TSHR: variants seen among roughly 807,000 people sequenced by gnomAD.
The protein encoded by TSHR is thyroid stimulating hormone receptor, also known as thyrotropin receptor.
A neutral mutation model predicts 64.1 loss-of-function variants in TSHR; 51 were observed. The ratio of observed to expected loss-of-function variants is 0.80; its 90% CI spans 0.64 to 1.01. The LOEUF is 1.01. Ranked by LOEUF, TSHR falls within the 50% of genes least tolerant of loss-of-function variation. TSHR has a pLI of 0.00. For synonymous variants in TSHR, 361 were observed against 361.9 expected (o/e 1.00, Z 0.03); for missense variants, 877 against 942.8 (o/e 0.93, Z 0.91).
At chr14:81,110,973 A>T (rs1890200017) in intron 8 of TSHR, among the ~76,000 whole-genome samples, 1 of 152,202 alleles carries the variant, frequency 6.6e-6, no homozygotes, top group African/African-American at 2.4e-5. Flanking sequence ...TATATTACTT[A>T]TCTTCATTGC....
Position 81,145,964 on chromosome 14 carries a change from C to T in TSHR, c.*1611C>T, listed in dbSNP as rs972864083. 1.7e-5 allele frequency: 4 copies of T among 231,966 alleles called. No individual in the cohort carries two copies. The highest frequency in any genetic ancestry group is 2.6e-5 in the Non-Finnish European group (3 of 117,366). 14.4% of individuals were successfully genotyped at this position (231,966 alleles called of 1,614,324 possible). A position where few individuals can be genotyped will look rare whatever the true frequency, so the allele number is the denominator to read the frequency against. ...CGTTAATGGGTCCCCACAGATGGTC[C>T]CTGCTGGACTCACCTGGAATCTCTC... On this transcript the variant is annotated 3_prime_UTR_variant, in exon 10 of 10. Transcript: ENST00000298171.
chr14:81,097,580 T>G (rs913197862), intron 7 of TSHR, among the ~76,000 whole-genome samples: 2 of 152,154 alleles, frequency 1.3e-5, no homozygotes, highest in Non-Finnish European at 2.9e-5. Context: ...TAGACCACAC[T>G]TTAAGTAGCA....
chr14:81,010,176 T>C (rs1263064753), intron 1 of TSHR, among the ~76,000 whole-genome samples: 1 of 152,186 alleles, frequency 6.6e-6, no homozygotes, highest in Non-Finnish European at 1.5e-5. Context: ...TTGCCTTATC[T>C]TTTTATTGCT....
chr14:80,971,356 A>T (rs1222178058), intron 1 of TSHR, among the ~76,000 whole-genome samples: 2 of 152,222 alleles, frequency 1.3e-5, no homozygotes, highest in Non-Finnish European at 2.9e-5. Flanking sequence ...TATGAAATGG[A>T]ACCCCTTGGG....
Position 81,145,403 on chromosome 14 carries a change from T to A in TSHR, c.*1050T>A. Reference sequence around the variant, plus strand: ...CACATGACCCAGGAAATTTTTCCTTTGTTTCACTTTTGATTATGATGTCTG... The same window carrying A: ...CACATGACCCAGGAAATTTTTCCTTAGTTTCACTTTTGATTATGATGTCTG... On this transcript the variant is annotated 3_prime_UTR_variant, in exon 10 of 10. Coordinates refer to ENST00000298171, the MANE Select transcript of TSHR (RefSeq NM_000369.5). 1 of 233,246 alleles carries A rather than the reference T, an allele frequency of 4.3e-6. No homozygotes were observed. Among genetic ancestry groups the A allele is most frequent in the East Asian group, 6.0e-5 (1 of 16,550 alleles). 14.4% of individuals were successfully genotyped at this position (233,246 alleles called of 1,614,324 possible).
rs1887516297 is a variant in TSHR, at chr14:80,970,030, C to T, written c.170+14180C>T. Reference sequence around the variant, plus strand: ...CAGATGAACTGACTGTGAAGATTTCCCTTCACCACTATCCTTTAGGGCCAC... The same window carrying T: ...CAGATGAACTGACTGTGAAGATTTCTCTTCACCACTATCCTTTAGGGCCAC... On this transcript the variant is annotated intron_variant, in intron 1 of 9. Coordinates refer to ENST00000298171, the MANE Select transcript of TSHR (RefSeq NM_000369.5). Among the ~76,000 whole-genome samples, 3 of 152,194 alleles carry T rather than the reference C, an allele frequency of 2.0e-5. No individual in the cohort carries two copies. The South Asian group carries it at 6.2e-4, about 32-fold the overall frequency.
intron 7 of TSHR, chr14:81,104,561 C>G: frequency 2.0e-6 from 2 of 985,440 alleles, no homozygotes; most frequent in South Asian, 9.4e-5. Context: ...ACCCAACAAT[C>G]AGGCTTTCAT....
chr14:80,982,963 C>G (rs1271983524), intron 1 of TSHR: 3 of 527,436 alleles, frequency 5.7e-6, no homozygotes, highest in Non-Finnish European at 1.0e-5. Context: ...GGAATTTGAA[C>G]AACTTGTTAA....
At chr14:81,123,226 AAAGT>A (rs1352908208) in intron 8 of TSHR, among the ~76,000 whole-genome samples, 1 of 152,236 alleles carries the variant, frequency 6.6e-6, no homozygotes, top group Non-Finnish European at 1.5e-5. Context: ...CAATAGGAGA[AAAGT>A]AAGAAATGAA....
chr14:81,027,858 A>C (rs572841595), intron 1 of TSHR, among the ~76,000 whole-genome samples: 1 of 152,308 alleles, frequency 6.6e-6, no homozygotes, highest in African/African-American at 2.4e-5. Flanking sequence ...TATAACTAAC[A>C]AAAATCAGGA....
intron 8 of TSHR, among the ~76,000 whole-genome samples, chr14:81,113,991 G>C (rs1006167163): frequency 6.6e-6 from 1 of 152,068 alleles, no homozygotes; most frequent in Non-Finnish European, 1.5e-5. Flanking sequence ...CTGAAAACAG[G>C]ATTATATGAA....
chr14:81,142,522 C>T lies in TSHR; in HGVS notation c.882-418C>T, dbSNP rs75578862. 7.4e-3 allele frequency among the ~76,000 whole-genome samples: 1,125 copies of T among 151,996 alleles called. 11 individuals are homozygous for T. The highest frequency in any genetic ancestry group is 0.026 in the African/African-American group (1,067 of 41,426). ...ACAGGCCTGCCTGGATCCTGTAGAA[C>T]CTTATAGAATTATGTACATCATAGT... On this transcript the variant is annotated intron_variant, in intron 9 of 9. Transcript: ENST00000298171.
rs369149725 is a variant in TSHR at position 81,143,025 on chromosome 14, C to T, written c.967C>T (p.His323Tyr). 11 of 1,614,080 alleles carry T rather than the reference C, an allele frequency of 6.8e-6. No individual in the cohort carries two copies. The highest frequency in any genetic ancestry group is 3.3e-5 in the Admixed American group (2 of 60,004). The change falls in exon 10 of 10, where the codon CAC becomes TAC. Residue 323 changes from histidine to tyrosine, a missense_variant. By Grantham distance (83) the His-to-Tyr change is moderately conservative. Transcript: ENST00000298171. The stretch of plus-strand genomic sequence containing the variant: ...TGTGAATGCCTTGAATAGCCCCCTC[C>T]ACCAGGAATATGAAGAGAATCTGGG... Reference protein sequence around the residue: ...KSVNALNSPLHQEYEENLGDS... With the variant: ...KSVNALNSPLYQEYEENLGDS...
chr14:81,078,137 TC>T (rs1426452655), intron 3 of TSHR, among the ~76,000 whole-genome samples: 1 of 151,766 alleles, frequency 6.6e-6, no homozygotes, highest in Non-Finnish European at 1.5e-5. Flanking sequence ...ATTTAATATT[TC>T]CAGTGTCCAT....
chr14:81,016,295 T>C (rs572284869), intron 1 of TSHR, among the ~76,000 whole-genome samples: 11 of 152,282 alleles, frequency 7.2e-5, no homozygotes, highest in African/African-American at 2.6e-4. Context: ...TATCTCGTCT[T>C]TGTGTTGATA....
At chr14:81,055,277 A>T (rs1292470265) in intron 1 of TSHR, among the ~76,000 whole-genome samples, 1 of 152,102 alleles carries the variant, frequency 6.6e-6, no homozygotes, top group Non-Finnish European at 1.5e-5. Context: ...ATTTCAAAGG[A>T]TATATGGAAA....
chr14:81,111,070 A>G (rs1004056115), intron 8 of TSHR, among the ~76,000 whole-genome samples: 2 of 152,206 alleles, frequency 1.3e-5, no homozygotes, highest in Non-Finnish European at 2.9e-5. Flanking sequence ...GACTGTTCAT[A>G]TGTTAGTGGT....
At chr14:81,068,217 AACTT>A in intron 2 of TSHR, 33 bp from the exon 3 acceptor site, 1 of 1,598,924 alleles carries the variant, frequency 6.3e-7, no homozygotes, top group African/African-American at 1.3e-5. Flanking sequence ...CAACCTTACT[AACTT>A]TCTACTTTGT....
chr14:81,095,182 A>G (rs545729849), intron 6 of TSHR, among the ~76,000 whole-genome samples: 95 of 152,308 alleles, frequency 6.2e-4, no homozygotes, highest in Non-Finnish European at 1.2e-3. Flanking sequence ...ATAACCACCA[A>G]TAACCTCTTG....
Sources: allele counts gnomAD v4.1 joint callset (sites outside exome capture counted in the v4.1 genomes callset), GRCh38; gene constraint gnomAD v4.1.1; transcripts MANE v1.5; gene names NCBI Gene and HGNC (gene_info 2026-07-23, HGNC 2026-07-21).